The following ALK variants were observed in gnomAD, a reference collection of about 807,000 sequenced individuals.
ALK encodes the protein ALK tyrosine kinase receptor.
ALK carries 74 observed loss-of-function variants against 163.1 expected under a neutral mutation model. The ratio of observed to expected loss-of-function variants is 0.45; its 90% CI spans 0.38 to 0.55. ALK has a LOEUF of 0.55. Among genes scored for constraint, ALK ranks in the 20% least tolerant of loss-of-function variants. The pLI is 0.00. For missense variants in ALK, 2,063 were observed against 2,105.3 expected, an observed-to-expected ratio of 0.98 and a Z score of 0.39; for synonymous variants, 960 against 843.2, an observed-to-expected ratio of 1.14 and a Z score of -2.40.
intron 3 of ALK, among the ~76,000 whole-genome samples, chr2:29,624,351 T>G (rs1229078237): frequency 2.0e-5 from 3 of 152,208 alleles, no homozygotes; most frequent in African/African-American, 7.2e-5. Context: ...TTCCCTGAGC[T>G]CTCACACAGA....
chr2:29,919,967 G>C (rs772594089), intron 1 of ALK, 26 bp downstream of exon 1: 1 of 1,609,970 alleles, frequency 6.2e-7, no homozygotes, highest in Non-Finnish European at 8.5e-7. Context: ...ACTAAATCCC[G>C]GCACACTCAG....
chr2:29,209,542 CAAAAA>C (rs76343130), intron 25 of ALK, among the ~76,000 whole-genome samples: 1 of 80,160 alleles, frequency 1.2e-5, no homozygotes. Context: ...AACTCCGTCT[CAAAAA>C]AAAAAAAAAA....
At chr2:29,272,422 T>G (rs1379817125) in intron 11 of ALK, among the ~76,000 whole-genome samples, 2 of 152,214 alleles carry the variant, frequency 1.3e-5, no homozygotes, top group Non-Finnish European at 2.9e-5. Flanking sequence ...CCTGGAAACT[T>G]GAGCGGCTCA....
chr2:29,785,934 C>G (rs1264884139), intron 1 of ALK, among the ~76,000 whole-genome samples: 1 of 148,380 alleles, frequency 6.7e-6, no homozygotes. Flanking sequence ...CACACACACA[C>G]ACACACACAC....
intron 4 of ALK, among the ~76,000 whole-genome samples, chr2:29,418,189 C>G (rs1013216612): frequency 5.3e-5 from 8 of 152,202 alleles, no homozygotes; most frequent in Admixed American, 1.3e-4. Context: ...AGGGCTAACT[C>G]TGCAGTTAAA....
In ALK at chr2:29,322,726, C is replaced by T. The variant is rs185010060; in HGVS notation, c.1415-1844G>A. 3.7e-3 allele frequency among the ~76,000 whole-genome samples: 563 copies of T among 152,242 alleles called. 5 individuals are homozygous for T. The highest frequency in any genetic ancestry group is 0.013 in the African/African-American group (527 of 41,540). Reference sequence around the variant, plus strand: ...GTGGGTGCCTGTAATCTCAGCTACTCGGGAGGCTGAGGCAGGAGAATCACT... The same window carrying T: ...GTGGGTGCCTGTAATCTCAGCTACTTGGGAGGCTGAGGCAGGAGAATCACT... On this transcript the variant is annotated intron_variant, in intron 6 of 28. Coordinates refer to ENST00000389048, the MANE Select transcript of ALK (RefSeq NM_004304.5).
At chr2:29,529,709 C>T (rs1673064390) in intron 4 of ALK, among the ~76,000 whole-genome samples, 1 of 152,232 alleles carries the variant, frequency 6.6e-6, no homozygotes, top group Admixed American at 6.5e-5. Flanking sequence ...CACCTTCTAC[C>T]CTCACCACAC....
At chr2:29,417,436 G>T (rs567215093) in intron 4 of ALK, among the ~76,000 whole-genome samples, 2 of 152,098 alleles carry the variant, frequency 1.3e-5, no homozygotes, top group Admixed American at 1.3e-4. Flanking sequence ...AATGAGTTCT[G>T]TAGAAGCTAC....
At chr2:29,791,500 G>C (rs1364183095) in intron 1 of ALK, among the ~76,000 whole-genome samples, 1 of 152,156 alleles carries the variant, frequency 6.6e-6, no homozygotes, top group Admixed American at 6.6e-5. Context: ...GTAGGGGAGA[G>C]ATAGCATTAG....
At chr2:29,821,144 ACCCACCTT>A (rs1479064545) in intron 1 of ALK, among the ~76,000 whole-genome samples, 4 of 152,098 alleles carry the variant, frequency 2.6e-5, no homozygotes, top group Non-Finnish European at 5.9e-5. Flanking sequence ...ATCACATGGA[ACCCACCTT>A]CTGTTTTCCC....
intron 5 of ALK, among the ~76,000 whole-genome samples, chr2:29,349,112 G>A (rs1262449022): frequency 2.0e-5 from 3 of 152,138 alleles, no homozygotes; most frequent in Non-Finnish European, 2.9e-5. Flanking sequence ...ATGAATGTTG[G>A]CTGCATTACT....
At chr2:29,214,689 C>T (rs1047837338) in intron 23 of ALK, among the ~76,000 whole-genome samples, 1 of 152,352 alleles carries the variant, frequency 6.6e-6, no homozygotes, top group East Asian at 1.9e-4. Context: ...CTCCCTACCC[C>T]TCTGGGGACA....
chr2:29,271,152 C>T (rs1177940213), intron 11 of ALK, among the ~76,000 whole-genome samples: 3 of 152,164 alleles, frequency 2.0e-5, no homozygotes, highest in South Asian at 2.1e-4. Context: ...AGACCCCTAT[C>T]GAGTGGAAAG....
chr2:29,409,361 A>G (rs2148320966), intron 4 of ALK, among the ~76,000 whole-genome samples: 1 of 152,176 alleles, frequency 6.6e-6, no homozygotes. Context: ...GTTCATTCTC[A>G]CAGTCTCAGT....
At chr2:29,753,783 A>G (rs1680439761) in intron 1 of ALK, among the ~76,000 whole-genome samples, 1 of 152,326 alleles carries the variant, frequency 6.6e-6, no homozygotes, top group African/African-American at 2.4e-5. Flanking sequence ...ACAGACTCCA[A>G]GAAACTTTTT....
intron 4 of ALK, among the ~76,000 whole-genome samples, chr2:29,425,569 T>G (rs1203052554): frequency 1.3e-5 from 2 of 152,164 alleles, no homozygotes; most frequent in Non-Finnish European, 2.9e-5. Flanking sequence ...TGTTCTAAGC[T>G]GCAAGAGACA....
Position 29,920,051 on chromosome 2 carries a change from C to T in ALK, c.609G>A (p.Arg203=), listed in dbSNP as rs1667946918. ...KKASEVGREG[R]LSAAIRASQP... ...GGGAGGCGCGAATTGCCGCGGACAG[C>T]CTTCCCTCTCTGCCCACTTCCGACG... Residue 203 remains arginine (R), a synonymous_variant, in exon 1 of 29, where the codon AGG becomes AGA. Transcript: ENST00000389048. The T allele has an allele frequency of 6.2e-7, 1 of 1,614,204 alleles. No individual in the cohort carries two copies. The highest frequency in any genetic ancestry group is 8.5e-7 in the Non-Finnish European group (1 of 1,180,056).
chr2:29,598,277 C>T (rs1000553335), intron 3 of ALK, among the ~76,000 whole-genome samples: 2 of 152,190 alleles, frequency 1.3e-5, no homozygotes, highest in East Asian at 1.9e-4. Context: ...CCACCCACCT[C>T]GGCCTCCCAA....
At chr2:29,647,656 A>G (rs1676916823) in intron 3 of ALK, among the ~76,000 whole-genome samples, 2 of 152,124 alleles carry the variant, frequency 1.3e-5, no homozygotes, top group African/African-American at 2.4e-5. Flanking sequence ...CCCCTGATTA[A>G]GCCCGTCCAT....
Sources: gnomAD v4.1 joint callset for allele counts (sites outside exome capture counted in the v4.1 genomes callset) on GRCh38, gnomAD v4.1.1 for gene constraint, MANE v1.5 for transcripts, NCBI Gene and HGNC (gene_info 2026-07-23, HGNC 2026-07-21) for gene names.